Variants in CD44 observed in about 807,000 individuals in gnomAD.
The protein encoded by CD44 is CD44 molecule (IN blood group).
In CD44, 49 loss-of-function variants were observed where a neutral mutation model predicts 88.8. The ratio of observed to expected loss-of-function variants is 0.55; its 90% confidence interval spans 0.44 to 0.70. The LOEUF (loss-of-function observed/expected upper bound fraction) is 0.70, where lower values mean the gene tolerates loss of function less well. Among genes scored for constraint, CD44 ranks in the 30% least tolerant of loss-of-function variants. The pLI, the probability that CD44 is intolerant of heterozygous loss-of-function variation, is 0.00. For missense variants in CD44, 883 were observed against 913.8 expected (o/e 0.97, Z 0.43); for synonymous variants, 325 against 312.3 (o/e 1.04, Z -0.43).
chr11:35,197,952 T>TA (rs1946924936), intron 6 of CD44, 169 bp from the exon 7 acceptor site: 3 of 564,668 alleles, frequency 5.3e-6, no homozygotes, highest in Non-Finnish European at 9.3e-6. Flanking sequence ...GAGATTTATG[T>TA]ATTAGCTTCG....
chr11:35,154,347 G>C (rs1042194885), intron 1 of CD44, among the ~76,000 whole-genome samples: 3 of 152,154 alleles, frequency 2.0e-5, no homozygotes, highest in African/African-American at 7.2e-5. Context: ...TCTGGGATAC[G>C]AATGTACAAC....
intron 1 of CD44, among the ~76,000 whole-genome samples, chr11:35,145,021 G>A (rs1352455080): frequency 1.3e-5 from 2 of 152,216 alleles, no homozygotes; most frequent in East Asian, 3.8e-4. Context: ...TTGTTTGCTG[G>A]ATGTGGACAT....
chr11:35,180,993 A>G (rs1168179571), intron 3 of CD44, among the ~76,000 whole-genome samples: 8 of 152,230 alleles, frequency 5.3e-5, no homozygotes, highest in Non-Finnish European at 1.2e-4. Flanking sequence ...AGTGCTCAGA[A>G]GGGAGAATGC....
intron 1 of CD44, among the ~76,000 whole-genome samples, chr11:35,142,930 CCT>C (rs1405766168): frequency 6.6e-6 from 1 of 152,050 alleles, no homozygotes; most frequent in Non-Finnish European, 1.5e-5. Flanking sequence ...AGTGACTTCC[CCT>C]CTCTGCGACT....
intron 1 of CD44, among the ~76,000 whole-genome samples, chr11:35,173,358 G>A (rs2133577767): frequency 6.6e-6 from 1 of 152,312 alleles, no homozygotes; most frequent in South Asian, 2.1e-4. Flanking sequence ...TTGTAAGACT[G>A]GCCAACTGAG....
intron 5 of CD44, among the ~76,000 whole-genome samples, chr11:35,193,065 G>T (rs954175386): frequency 6.6e-6 from 1 of 152,010 alleles, no homozygotes; most frequent in African/African-American, 2.4e-5. Flanking sequence ...TTTTCCCGGG[G>T]ATGCTCAGGT....
chr11:35,194,694 A>G (rs967373901), intron 5 of CD44, among the ~76,000 whole-genome samples: 1 of 152,192 alleles, frequency 6.6e-6, no homozygotes, highest in Non-Finnish European at 1.5e-5. Context: ...AGGCCTGTGG[A>G]TCTGGGGATA....
At chr11:35,139,445 G>A in intron 1 of CD44, 75 bp downstream of exon 1, 2 of 1,334,072 alleles carry the variant, frequency 1.5e-6, no homozygotes, top group Non-Finnish European at 2.1e-6. Context: ...AGCCCCTCCG[G>A]CTGAGTCGGC....
At chr11:35,215,028 A>C in intron 15 of CD44, 114 bp downstream of exon 15, 3 of 518,062 alleles carry the variant, frequency 5.8e-6, no homozygotes, top group African/African-American at 2.0e-5. Context: ...CCTTCTTAGC[A>C]TACATCACAA....
chr11:35,212,186 T>C (rs989822511), intron 14 of CD44, among the ~76,000 whole-genome samples: 29 of 152,054 alleles, frequency 1.9e-4, no homozygotes, highest in African/African-American at 5.8e-4. Flanking sequence ...ATTAAGAAAT[T>C]AACAGTGAAG....
chr11:35,186,729 G>T, intron 3 of CD44, 103 bp from the exon 4 acceptor site: 1 of 680,926 alleles, frequency 1.5e-6, no homozygotes, highest in Non-Finnish European at 2.7e-6. Context: ...AAGTTATTTG[G>T]AATAAGTTAT....
At chr11:35,152,610 G>A (rs535009818) in intron 1 of CD44, among the ~76,000 whole-genome samples, 1 of 152,306 alleles carries the variant, frequency 6.6e-6, no homozygotes, top group East Asian at 1.9e-4. Flanking sequence ...AAAACTACAA[G>A]GTCCTATTAT....
intron 5 of CD44, among the ~76,000 whole-genome samples, chr11:35,194,561 G>C (rs1055909411): frequency 2.6e-5 from 4 of 152,166 alleles, no homozygotes; most frequent in African/African-American, 9.7e-5. Context: ...TTTGTCTTTT[G>C]CTTATCAGCT....
rs769165574 is a variant in CD44 at position 35,180,346 on chromosome 11, A to G, written c.306A>G (p.Thr102=). The part of the protein sequence containing the change: ...HPNSICAANN[T]GVYILTSNTS... ...ACTCCATCTGTGCAGCAAACAACAC[A>G]GGGGTGTACATCCTCACATCCAACA... is the stretch of plus-strand genomic sequence containing the variant. The change falls in exon 3 of 18, where the codon ACA becomes ACG. Residue 102 remains threonine (T), a synonymous_variant. Transcript: ENST00000428726. 26 of 1,613,988 alleles carry G rather than the reference A, an allele frequency of 1.6e-5. No individual in the cohort carries two copies. The highest frequency in any genetic ancestry group is 1.5e-4 in the Admixed American group (9 of 60,008).
chr11:35,200,891 A>T (rs952918081), intron 7 of CD44, among the ~76,000 whole-genome samples, 191 bp from the exon 8 acceptor site: 1 of 152,188 alleles, frequency 6.6e-6, no homozygotes. Context: ...AAGGACACTG[A>T]GATGCTTACC....
intron 11 of CD44, 132 bp from the exon 12 acceptor site, chr11:35,207,973 G>T: frequency 1.6e-6 from 1 of 621,062 alleles, no homozygotes; most frequent in Non-Finnish European, 2.9e-6. Context: ...CAGTTCGGGA[G>T]ATATAGTCAG....
intron 17 of CD44, among the ~76,000 whole-genome samples, chr11:35,226,880 C>CTT (rs367551052): frequency 0.027 from 2,821 of 106,160 alleles, 138 homozygotes; most frequent in African/African-American, 0.094. Flanking sequence ...TTCTTTTTTC[C>CTT]TTTTTTTTTT....
intron 17 of CD44, among the ~76,000 whole-genome samples, chr11:35,225,681 G>A (rs555023382): frequency 6.6e-6 from 1 of 152,276 alleles, no homozygotes; most frequent in East Asian, 1.9e-4. Flanking sequence ...GCCAGGTGTG[G>A]TGGCGGGTGC....
At chr11:35,206,325 C>CT (rs1383213445) in intron 11 of CD44, 82 bp downstream of exon 11, 35 of 1,427,578 alleles carry the variant, frequency 2.5e-5, no homozygotes, top group Non-Finnish European at 3.0e-5. Flanking sequence ...GAAATATGCC[C>CT]TTGGTTTTAG....
Sources: gnomAD v4.1 joint callset for allele counts (sites outside exome capture counted in the v4.1 genomes callset) on GRCh38, gnomAD v4.1.1 for gene constraint, MANE v1.5 for transcripts, NCBI Gene and HGNC (gene_info 2026-07-23, HGNC 2026-07-21) for gene names.